Variants in CDH22 observed in about 807,000 individuals in gnomAD.
The protein encoded by CDH22 is cadherin-22.
Under a neutral mutation model 58.4 loss-of-function variants are expected in CDH22, and 30 were observed. That is an observed-to-expected ratio of 0.51 (90% CI 0.38 to 0.70). The LOEUF is 0.70. CDH22 is among the 30% of genes least tolerant of loss of function. The pLI is 0.00. For synonymous variants in CDH22, 513 were observed against 558.2 expected, an observed-to-expected ratio of 0.92 and a Z score of 1.14; for missense variants, 1,014 against 1,233.9, an observed-to-expected ratio of 0.82 and a Z score of 2.67.
chr20:46,303,931 G>A (rs1038298824), intron 1 of CDH22, among the ~76,000 whole-genome samples: 1 of 152,210 alleles, frequency 6.6e-6, no homozygotes, highest in African/African-American at 2.4e-5. Context: ...CAGAGGCTGG[G>A]AGACCAGGGA....
At chr20:46,270,498 G>A (rs898288222) in intron 1 of CDH22, among the ~76,000 whole-genome samples, 7 of 152,070 alleles carry the variant, frequency 4.6e-5, no homozygotes, top group African/African-American at 1.4e-4. Flanking sequence ...CTCCGGTCTC[G>A]GGCTGGAACA....
intron 2 of CDH22, 84 bp downstream of exon 2, chr20:46,250,956 G>A: frequency 1.2e-6 from 1 of 823,056 alleles, no homozygotes; most frequent in Non-Finnish European, 2.1e-6. Flanking sequence ...ATTTAAAAGG[G>A]CAGGTGAACA....
At position 46,229,287 on chromosome 20, in the gene CDH22, TG is replaced by T. The variant is rs1392280732; in HGVS notation, c.551-1661del. On this transcript the variant is annotated intron_variant, in intron 3 of 11. Coordinates refer to ENST00000537909, the MANE Select transcript of CDH22 (RefSeq NM_021248.3). ...CTCATAGCATCTCGGAGATGCAGAG[TG>T]GCCCCCCCCCCCAATTTTACAGCTG... is the stretch of plus-strand genomic sequence containing the variant. Among the ~76,000 whole-genome samples, 88 of 113,586 alleles carry T rather than the reference TG, an allele frequency of 7.7e-4. 1 individual carries two copies. The highest frequency in any genetic ancestry group is 3.4e-3 in the African/African-American group (71 of 20,952). The allele number at this position is 113,586 out of a possible 152,430, so 74.5% of individuals were successfully genotyped here. A position where few individuals can be genotyped will look rare whatever the true frequency, so the allele number is the denominator to read the frequency against.
rs2145687843 is a variant in CDH22 at position 46,210,641 on chromosome 20, G to A, written c.1033-81C>T. On this transcript the variant is annotated intron_variant, in intron 6 of 11. Coordinates refer to ENST00000537909, the MANE Select transcript of CDH22 (RefSeq NM_021248.3). The surrounding 1 kb of genome is among the most constrained non-coding windows in gnomAD (Gnocchi z 4.5). ...CTTCACGAGGGAGGCCAAGGCAGGCGGGGTTGGCCCAAGGTCACACGTTGT... is the reference window on the plus strand; with the variant it reads ...CTTCACGAGGGAGGCCAAGGCAGGCAGGGTTGGCCCAAGGTCACACGTTGT... 8 of 1,324,996 alleles carry A rather than the reference G, an allele frequency of 6.0e-6. No individual in the cohort carries two copies. The highest frequency in any genetic ancestry group is 7.9e-6 in the Non-Finnish European group (8 of 1,010,060). 82.1% of individuals were successfully genotyped at this position (1,324,996 alleles called of 1,614,324 possible).
At chr20:46,246,408 A>T (rs2086329210) in intron 2 of CDH22, among the ~76,000 whole-genome samples, 1 of 152,186 alleles carries the variant, frequency 6.6e-6, no homozygotes, top group Non-Finnish European at 1.5e-5. Flanking sequence ...ATGAGTGCTG[A>T]CCCCATAATT....
intron 1 of CDH22, among the ~76,000 whole-genome samples, chr20:46,302,034 C>G (rs1164062459): frequency 2.0e-5 from 3 of 152,190 alleles, no homozygotes; most frequent in Non-Finnish European, 4.4e-5. Context: ...GCCAGGCAAC[C>G]CTGGTCAGAG....
intron 1 of CDH22, among the ~76,000 whole-genome samples, chr20:46,252,391 A>C (rs2086382694): frequency 6.6e-6 from 1 of 152,186 alleles, no homozygotes; most frequent in East Asian, 1.9e-4. Context: ...TCTTTCCCAG[A>C]GTCCGAGAGA....
In CDH22 at chr20:46,251,614, A is replaced by G. The variant is rs550632356; in HGVS notation, c.-320T>C. ...ACAGCTCCAGAGTCGGGGAAGCGCCATGGTTCCTGCGCAGAAAGGATGCGG... is the reference window on the plus strand; with the variant it reads ...ACAGCTCCAGAGTCGGGGAAGCGCCGTGGTTCCTGCGCAGAAAGGATGCGG... On this transcript the variant is annotated 5_prime_UTR_variant, in exon 2 of 12. An upstream start codon of the reference 5' UTR is lost. Transcript: ENST00000537909. The surrounding 1 kb of genome is among the most constrained non-coding windows in gnomAD (Gnocchi z 6.7). 103 of 216,314 alleles carry G rather than the reference A, an allele frequency of 4.8e-4. 1 individual carries two copies. The highest frequency in any genetic ancestry group is 8.2e-4 in the Admixed American group (14 of 17,078). 13.4% of individuals were successfully genotyped at this position (216,314 alleles called of 1,614,324 possible).
intron 1 of CDH22, among the ~76,000 whole-genome samples, chr20:46,254,697 A>G (rs1447294727): frequency 6.6e-6 from 1 of 152,182 alleles, no homozygotes. Flanking sequence ...AGAAGGACGA[A>G]GTGGAGGGAG....
chr20:46,307,628 TG>T (rs2059029949), intron 1 of CDH22, among the ~76,000 whole-genome samples: 1 of 151,986 alleles, frequency 6.6e-6, no homozygotes, highest in South Asian at 2.1e-4. Flanking sequence ...CAGGGGTCCC[TG>T]TGGGCCGCCT....
Position 46,174,761 on chromosome 20 carries a change from G to C in CDH22, c.2232C>G (p.Phe744Leu), listed in dbSNP as rs1392899703. Residue 744 changes from phenylalanine to leucine, a missense_variant, in exon 12 of 12, where the codon TTC (phenylalanine) becomes TTG (leucine). Physicochemically the swap from Phe to Leu is conservative, Grantham distance 22. This residue lies in a region of CDH22 where 208 missense variants were observed against 195.2 expected (regional missense o/e 1.07). Transcript: ENST00000537909. This position sits in a 1 kb window ranked among gnomAD's most constrained non-coding sequence, Gnocchi z 4.4. Reference sequence around the variant, plus strand: ...GGCTGATGAAGTCCCTGAACACTGAGAAGTCTGGCTCGGGGCTCGGCGGCC... The same window carrying C: ...GGCTGATGAAGTCCCTGAACACTGACAAGTCTGGCTCGGGGCTCGGCGGCC... ...PQGPPSPEPD[F>L]SVFRDFISRK... The C allele has an allele frequency of 1.8e-5, 27 of 1,542,406 alleles. No homozygotes were observed. The highest frequency in any genetic ancestry group is 2.3e-5 in the Non-Finnish European group (27 of 1,151,982).
rs1568661558 is a variant in CDH22 at position 46,216,120 on chromosome 20, C to T, written c.838+706G>A. 1.3e-5 allele frequency among the ~76,000 whole-genome samples: 2 copies of T among 152,160 alleles called. No homozygotes were observed. Among genetic ancestry groups the T allele is most frequent in the East Asian group, 1.9e-4 (1 of 5,192 alleles). Reference sequence around the variant, plus strand: ...ATAGGAATCAGCCCAGCTCCTGCGGCATTTAGTCCCTGCCAGCTTTGGTGG... The same window carrying T: ...ATAGGAATCAGCCCAGCTCCTGCGGTATTTAGTCCCTGCCAGCTTTGGTGG... On this transcript the variant is annotated intron_variant, in intron 5 of 11. Transcript: ENST00000537909. The surrounding 1 kb of genome is among the most constrained non-coding windows in gnomAD (Gnocchi z 5.3).
intron 11 of CDH22, among the ~76,000 whole-genome samples, chr20:46,177,468 G>C (rs1337776761): frequency 3.9e-5 from 6 of 152,114 alleles, no homozygotes; most frequent in Admixed American, 6.5e-5. Context: ...GGTGTAGTTA[G>C]AGGAGCAGAG....
chr20:46,232,873 C>T (rs143971025), intron 3 of CDH22, among the ~76,000 whole-genome samples: 10 of 152,262 alleles, frequency 6.6e-5, no homozygotes, highest in African/African-American at 2.4e-4. Context: ...AGATGAATGG[C>T]ACACAGGAGA....
chr20:46,193,864 G>A (rs1047293757), intron 8 of CDH22, among the ~76,000 whole-genome samples: 3 of 152,072 alleles, frequency 2.0e-5, no homozygotes, highest in African/African-American at 7.2e-5. Context: ...CAACTCAGAT[G>A]TCCTCTTGGC....
chr20:46,223,406 C>T (rs938055040), intron 4 of CDH22, among the ~76,000 whole-genome samples: 2 of 152,182 alleles, frequency 1.3e-5, no homozygotes, highest in Admixed American at 6.5e-5. Flanking sequence ...ACCCTAGGGT[C>T]CCCACCTCCT....
chr20:46,303,112 C>G (rs1222784823), intron 1 of CDH22, among the ~76,000 whole-genome samples: 6 of 152,358 alleles, frequency 3.9e-5, no homozygotes, highest in African/African-American at 1.4e-4. Context: ...GTGTGGCTTT[C>G]AAGACCCACG....
At chr20:46,196,708 C>T (rs1337851524) in intron 8 of CDH22, among the ~76,000 whole-genome samples, 1 of 152,170 alleles carries the variant, frequency 6.6e-6, no homozygotes, top group African/African-American at 2.4e-5. Context: ...GAGTCAGGTT[C>T]CTCATCCCCA....
rs1419196217 is a variant in CDH22 at position 46,199,308 on chromosome 20, T to G, written c.1423+115A>C. 1.7e-5 allele frequency: 22 copies of G among 1,267,116 alleles called. No individual in the cohort carries two copies. The East Asian group carries it at 5.4e-4, about 31-fold the overall frequency. 78.5% of individuals were successfully genotyped at this position (1,267,116 alleles called of 1,614,324 possible). A position where few individuals can be genotyped will look rare whatever the true frequency, so the allele number is the denominator to read the frequency against. On this transcript the variant is annotated intron_variant, in intron 8 of 11. Coordinates refer to ENST00000537909, the MANE Select transcript of CDH22 (RefSeq NM_021248.3). ...TCCCCAACCTTTGGCCCCTCCCCCG[T>G]GGGCTTTGACTGACAGGGCTGCCTT...
Sources: gnomAD v4.1 joint callset for allele counts (sites outside exome capture counted in the v4.1 genomes callset) on GRCh38, gnomAD v4.1.1 for gene constraint, gnomAD v4.1.1 regional missense constraint, Gnocchi (gnomAD v3.1) non-coding constraint, MANE v1.5 for transcripts, NCBI Gene and HGNC (gene_info 2026-07-23, HGNC 2026-07-21) for gene names.